INPP5A: variants seen among roughly 807,000 people sequenced by gnomAD.
The protein encoded by INPP5A is 43 kDa inositol polyphosphate 5-phophatase.
A neutral mutation model predicts 65.2 loss-of-function variants in INPP5A; 14 were observed. The observed-to-expected ratio is 0.21, with a 90% CI of 0.14 to 0.34. INPP5A has a LOEUF of 0.34. Among genes scored for constraint, INPP5A ranks in the 10% least tolerant of loss-of-function variants. The pLI, the probability that INPP5A is intolerant of heterozygous loss-of-function variation, is 1.00. For synonymous variants in INPP5A, 207 were observed against 208.3 expected (o/e 0.99, Z 0.05); for missense variants, 431 against 545.6 (o/e 0.79, Z 2.09).
intron 3 of INPP5A, among the ~76,000 whole-genome samples, chr10:132,646,378 G>A (rs1485571173): frequency 2.6e-5 from 4 of 152,138 alleles, no homozygotes; most frequent in South Asian, 2.1e-4. Flanking sequence ...AATCTCCATC[G>A]TTTAGGAGGA....
At chr10:132,779,991 G>T (rs1847132780) in intron 13 of INPP5A, among the ~76,000 whole-genome samples, 1 of 152,270 alleles carries the variant, frequency 6.6e-6, no homozygotes, top group African/African-American at 2.4e-5. Context: ...TTACCACGCT[G>T]CGTTTGATGA....
At chr10:132,702,009 C>T (rs1028070929) in intron 6 of INPP5A, among the ~76,000 whole-genome samples, 3 of 152,250 alleles carry the variant, frequency 2.0e-5, no homozygotes, top group Non-Finnish European at 4.4e-5. Context: ...GCGCATCCCA[C>T]CCTAAACCCA....
chr10:132,760,518 G>A (rs1214187930), intron 11 of INPP5A, among the ~76,000 whole-genome samples: 3 of 152,254 alleles, frequency 2.0e-5, no homozygotes, highest in African/African-American at 7.2e-5. Context: ...AAGCTCTGGG[G>A]TCACTGCAGA....
chr10:132,673,245 C>T (rs2072916636), intron 4 of INPP5A, among the ~76,000 whole-genome samples: 1 of 152,162 alleles, frequency 6.6e-6, no homozygotes, highest in African/African-American at 2.4e-5. Flanking sequence ...GCGGTGGCAG[C>T]ATTCTTCCCT....
chr10:132,763,381 G>C (rs2767427), intron 11 of INPP5A, among the ~76,000 whole-genome samples: 139,292 of 152,354 alleles, frequency 0.91, 63,832 homozygotes, highest in East Asian at 1. Context: ...GACTGGGGAC[G>C]CTGCTGCATC....
chr10:132,755,501 C>T (rs1846584876), intron 11 of INPP5A, among the ~76,000 whole-genome samples: 1 of 119,030 alleles, frequency 8.4e-6, no homozygotes, highest in South Asian at 2.7e-4. Context: ...TGGGTGTGTG[C>T]ATGAGAGCAG....
chr10:132,701,126 C>G (rs987920724), intron 6 of INPP5A, among the ~76,000 whole-genome samples: 52 of 152,336 alleles, frequency 3.4e-4, no homozygotes, highest in African/African-American at 1.3e-3. Flanking sequence ...CTCTTTTCTC[C>G]GTGGCGATTT....
At chr10:132,539,240 CCTCA>C (rs2070879598) in intron 1 of INPP5A, among the ~76,000 whole-genome samples, 1 of 152,234 alleles carries the variant, frequency 6.6e-6, no homozygotes, top group Non-Finnish European at 1.5e-5. Flanking sequence ...TGGGTGCCGG[CCTCA>C]CTGTCTGTCT....
chr10:132,564,114 C>G (rs2071241691), intron 1 of INPP5A, among the ~76,000 whole-genome samples: 1 of 152,176 alleles, frequency 6.6e-6, no homozygotes, highest in Non-Finnish European at 1.5e-5. Flanking sequence ...CTGCTGCTCC[C>G]CTGGGCTTCT....
chr10:132,732,757 C>T (rs1201635735), intron 9 of INPP5A, among the ~76,000 whole-genome samples: 1 of 152,200 alleles, frequency 6.6e-6, no homozygotes, highest in African/African-American at 2.4e-5. Context: ...TGCGTGGCAC[C>T]TCCACGTGGC....
chr10:132,585,819 G>A (rs147174323), intron 1 of INPP5A, among the ~76,000 whole-genome samples: 6 of 152,208 alleles, frequency 3.9e-5, no homozygotes, highest in Admixed American at 6.5e-5. Context: ...GATGTGTGTC[G>A]TCAGCGGCTG....
intron 11 of INPP5A, among the ~76,000 whole-genome samples, chr10:132,760,308 G>A (rs1846709543): frequency 6.6e-6 from 1 of 152,242 alleles, no homozygotes; most frequent in East Asian, 1.9e-4. Context: ...CTTGAGGGGT[G>A]CTGGTGGTTG....
chr10:132,646,729 C>T (rs533156451), intron 3 of INPP5A, among the ~76,000 whole-genome samples: 118 of 152,344 alleles, frequency 7.7e-4, no homozygotes, highest in African/African-American at 2.6e-3. Flanking sequence ...GGACCAGCCC[C>T]CAACATCGCA....
At chr10:132,653,983 TTCC>T (rs2072616077) in intron 4 of INPP5A, among the ~76,000 whole-genome samples, 1 of 152,180 alleles carries the variant, frequency 6.6e-6, no homozygotes, top group East Asian at 1.9e-4. Flanking sequence ...GCACACACGC[TTCC>T]CAATTACGTC....
intron 4 of INPP5A, among the ~76,000 whole-genome samples, chr10:132,652,595 G>T (rs1007411198): frequency 1.3e-5 from 2 of 152,204 alleles, no homozygotes; most frequent in Non-Finnish European, 2.9e-5. Context: ...CCGTCTCTGC[G>T]TGCTGCCCTG....
intron 6 of INPP5A, among the ~76,000 whole-genome samples, chr10:132,701,147 T>C (rs1422645155): frequency 1.3e-5 from 2 of 152,184 alleles, no homozygotes; most frequent in African/African-American, 4.8e-5. Flanking sequence ...ATGCCGTCTT[T>C]TAGTAGATGA....
At chr10:132,647,664 C>T (rs557735499) in intron 3 of INPP5A, among the ~76,000 whole-genome samples, 5 of 152,150 alleles carry the variant, frequency 3.3e-5, no homozygotes, top group African/African-American at 9.6e-5. Flanking sequence ...GAGTGGAGAG[C>T]GGAGTCGAGG....
Position 132,766,431 on chromosome 10 carries a change from G to A in INPP5A, c.977+585G>A, listed in dbSNP as rs1846846497. 2.0e-5 allele frequency among the ~76,000 whole-genome samples: 3 copies of A among 152,200 alleles called. No homozygotes were observed. The South Asian group carries it at 6.2e-4, about 31-fold the overall frequency. ...GCCTCCAAATGCAGTGTGTCTATGT[G>A]GGTGTGGATGTGTTTAAGGCATGCG... On this transcript the variant is annotated intron_variant, in intron 12 of 15. Transcript: ENST00000368594.
chr10:132,546,589 C>G lies in INPP5A; in HGVS notation c.75+8418C>G, dbSNP rs1019612100. On this transcript the variant is annotated intron_variant, in intron 1 of 15. Coordinates refer to ENST00000368594, the MANE Select transcript of INPP5A (RefSeq NM_005539.5). The surrounding 1 kb of genome is among the most constrained non-coding windows in gnomAD (Gnocchi z 5.7). ...TAAGGGCTTAGTAGGGCTGCCTCGG[C>G]TGCTGGGGCAGCTTTCCCCGGCCCC... Among the ~76,000 whole-genome samples the G allele has an allele frequency of 2.0e-5, 3 of 152,184 alleles. No individual in the cohort carries two copies. The highest frequency in any genetic ancestry group is 2.9e-5 in the Non-Finnish European group (2 of 68,022).
Sources: gnomAD v4.1 joint callset for allele counts (sites outside exome capture counted in the v4.1 genomes callset) on GRCh38, gnomAD v4.1.1 for gene constraint, Gnocchi (gnomAD v3.1) non-coding constraint, MANE v1.5 for transcripts, NCBI Gene and HGNC (gene_info 2026-07-23, HGNC 2026-07-21) for gene names.